IGF1: variants seen among roughly 807,000 people sequenced by gnomAD.
The protein encoded by IGF1 is insulin-like growth factor 1.
Under a neutral mutation model 13.8 loss-of-function variants are expected in IGF1, and 4 were observed. The ratio of observed to expected loss-of-function variants is 0.29; its 90% CI spans 0.14 to 0.66. IGF1 has a LOEUF of 0.66. IGF1 is among the 30% of genes least tolerant of loss of function. IGF1 has a pLI of 0.78. For synonymous variants in IGF1, 76 were observed against 72.6 expected (o/e 1.05, Z -0.23); for missense variants, 124 against 188.5 (o/e 0.66, Z 2.00).
At chr12:102,445,612 C>T (rs1878243300) in intron 2 of IGF1, among the ~76,000 whole-genome samples, 1 of 152,202 alleles carries the variant, frequency 6.6e-6, no homozygotes, top group Non-Finnish European at 1.5e-5. Flanking sequence ...GCTGAAGTTG[C>T]TTATCAGCTT....
At chr12:102,461,545 A>G (rs1856194652) in intron 2 of IGF1, among the ~76,000 whole-genome samples, 1 of 152,212 alleles carries the variant, frequency 6.6e-6, no homozygotes, top group Admixed American at 6.5e-5. Flanking sequence ...TCGTCCACTT[A>G]ATGCAATTAG....
rs1284097355 is a variant in IGF1, at chr12:102,402,466, C to G, written c.*41G>C. ...GGTAACTCGTGCAGAGCAAAGGATC[C>G]TGCGGTGGCATGTCACTCTTCACTC... On this transcript the variant is annotated 3_prime_UTR_variant, in exon 4 of 4. Transcript: ENST00000337514. The G allele has an allele frequency of 2.6e-6, 2 of 780,666 alleles. No homozygotes were observed. The highest frequency in any genetic ancestry group is 4.8e-6 in the Non-Finnish European group (2 of 417,864). 48.4% of individuals were successfully genotyped at this position (780,666 alleles called of 1,614,324 possible).
At chr12:102,449,065 T>C (rs1433060972) in intron 2 of IGF1, among the ~76,000 whole-genome samples, 1 of 152,192 alleles carries the variant, frequency 6.6e-6, no homozygotes, top group East Asian at 1.9e-4. Flanking sequence ...CCCAAAGGAT[T>C]ATAAATTATT....
chr12:102,416,973 G>C (rs1875196354), intron 3 of IGF1, among the ~76,000 whole-genome samples: 1 of 152,212 alleles, frequency 6.6e-6, no homozygotes, highest in Admixed American at 6.5e-5. Context: ...TATGTATGGA[G>C]GGAAGATGAA....
At chr12:102,457,623 C>T (rs12299353) in intron 2 of IGF1, among the ~76,000 whole-genome samples, 2,948 of 152,028 alleles carry the variant, frequency 0.019, 84 homozygotes, top group African/African-American at 0.068. Context: ...CTTTAGTGGA[C>T]GATTTCACAA....
chr12:102,408,910 C>G (rs2136958760), intron 3 of IGF1, among the ~76,000 whole-genome samples: 1 of 152,322 alleles, frequency 6.6e-6, no homozygotes, highest in Admixed American at 6.5e-5. Context: ...CTATCCTCCC[C>G]TATTTCTGTT....
Position 102,475,646 on chromosome 12 carries a change from A to T in IGF1, c.217T>A (p.Phe73Ile), listed in dbSNP as rs1477646417. ...QFVCGDRGFY[F>I]NKPTGYGSSS... ...ATTGAGAGGGAGGGCTACTTACTGA[A>T]ATAAAAGCCCCTGTCTCCACACACG... The change falls in exon 2 of 4, where the codon TTC becomes ATC. Residue 73 changes from phenylalanine to isoleucine, a missense_variant. Physicochemically the swap from Phe to Ile is conservative, Grantham distance 21. This residue lies in a region of IGF1 where 99 missense variants were observed against 171.4 expected (regional missense o/e 0.58). Transcript: ENST00000337514. 6.2e-7 allele frequency: 1 copy of T among 1,614,028 alleles called. No individual in the cohort carries two copies. The highest frequency in any genetic ancestry group is 2.2e-5 in the East Asian group (1 of 44,888).
chr12:102,468,224 A>T (rs1007280009), intron 2 of IGF1, among the ~76,000 whole-genome samples: 1 of 152,222 alleles, frequency 6.6e-6, no homozygotes, highest in African/African-American at 2.4e-5. Flanking sequence ...AATTTAAAAG[A>T]GGCTGTTTGG....
At position 102,428,336 on chromosome 12, in the gene IGF1, G is replaced by T. The variant is rs181434597; in HGVS notation, c.221-8646C>A. ...AAAACCAAGAGTTTTCTCTTTTTTA[G>T]ATTTAATTTTGGATGTAAACAAGAT... is the stretch of plus-strand genomic sequence containing the variant. On this transcript the variant is annotated intron_variant, in intron 2 of 3. Coordinates refer to ENST00000337514, the MANE Select transcript of IGF1 (RefSeq NM_000618.5). Among the ~76,000 whole-genome samples the T allele has an allele frequency of 3.7e-3, 544 of 147,458 alleles. 4 individuals are homozygous for T. Among genetic ancestry groups the T allele is most frequent in the Non-Finnish European group, 4.0e-3 (269 of 66,588 alleles).
Position 102,402,344 on chromosome 12 carries a change from A to G in IGF1, c.*163T>C, listed in dbSNP as rs1735849884. On this transcript the variant is annotated 3_prime_UTR_variant, in exon 4 of 4. Coordinates refer to ENST00000337514, the MANE Select transcript of IGF1 (RefSeq NM_000618.5). ...CAAGGTGCAAATCACTCCTAAAGAC[A>G]ATGTTGGAATGTTTACTTGTGTATT... 2.8e-6 allele frequency: 2 copies of G among 718,442 alleles called. No individual in the cohort carries two copies. Among genetic ancestry groups the G allele is most frequent in the South Asian group, 3.1e-5 (2 of 65,192 alleles). 44.5% of individuals were successfully genotyped at this position (718,442 alleles called of 1,614,324 possible).
In IGF1 at chr12:102,402,245, T is replaced by TA. The variant is rs1555236089; in HGVS notation, c.*261_*262insT. On this transcript the variant is annotated 3_prime_UTR_variant, in exon 4 of 4. Transcript: ENST00000337514. Reference sequence around the variant, plus strand: ...GGACTAAGATATATATATATATATATTTTTTTTTTCTTTTCTATAGAACAT... The same window carrying TA: ...GGACTAAGATATATATATATATATATATTTTTTTTTCTTTTCTATAGAACAT... 6.2e-3 allele frequency: 1,336 copies of TA among 215,234 alleles called. 9 individuals carry two copies. Among genetic ancestry groups the TA allele is most frequent in the African/African-American group, 0.015 (537 of 35,298 alleles). The allele number at this position is 215,234 out of a possible 1,614,324, so 13.3% of individuals were successfully genotyped here. A position where few individuals can be genotyped will look rare whatever the true frequency, so the allele number is the denominator to read the frequency against.
chr12:102,455,691 G>A (rs1879328369), intron 2 of IGF1, among the ~76,000 whole-genome samples: 1 of 152,192 alleles, frequency 6.6e-6, no homozygotes, highest in South Asian at 2.1e-4. Flanking sequence ...GGCAGACTCA[G>A]GCAAAATTCC....
intron 2 of IGF1, among the ~76,000 whole-genome samples, chr12:102,434,846 G>C (rs985228622): frequency 2.6e-5 from 4 of 151,840 alleles, no homozygotes; most frequent in African/African-American, 9.7e-5. Context: ...ATTCTAACTG[G>C]TGTGAGATGG....
At chr12:102,432,448 A>T (rs1052794308) in intron 2 of IGF1, among the ~76,000 whole-genome samples, 1 of 152,212 alleles carries the variant, frequency 6.6e-6, no homozygotes, top group Non-Finnish European at 1.5e-5. Flanking sequence ...GTATTATCAG[A>T]CAATCCTATT....
At chr12:102,449,093 G>A (rs939938264) in intron 2 of IGF1, among the ~76,000 whole-genome samples, 1 of 152,120 alleles carries the variant, frequency 6.6e-6, no homozygotes, top group African/African-American at 2.4e-5. Flanking sequence ...AAAGACACAT[G>A]CACATATATG....
intron 1 of IGF1, among the ~76,000 whole-genome samples, chr12:102,478,033 A>G (rs1482070788): frequency 6.7e-6 from 1 of 150,342 alleles, no homozygotes; most frequent in Non-Finnish European, 1.5e-5. Context: ...ATTGTCAGAT[A>G]AATCTCAGTA....
At chr12:102,466,086 T>C (rs1348099405) in intron 2 of IGF1, among the ~76,000 whole-genome samples, 1 of 152,174 alleles carries the variant, frequency 6.6e-6, no homozygotes, top group Admixed American at 6.5e-5. Flanking sequence ...TTCCTTCTCT[T>C]ACTAAAATAC....
intron 1 of IGF1, among the ~76,000 whole-genome samples, chr12:102,476,107 A>C (rs1011477717): frequency 2.0e-5 from 3 of 152,186 alleles, no homozygotes; most frequent in African/African-American, 7.2e-5. Flanking sequence ...TTACTACGGA[A>C]ATGAAAGATG....
At chr12:102,439,958 C>G (rs1182529265) in intron 2 of IGF1, among the ~76,000 whole-genome samples, 1 of 152,146 alleles carries the variant, frequency 6.6e-6, no homozygotes. Flanking sequence ...AACTTGCTGA[C>G]CCCAGGCGCT....
Sources: gnomAD v4.1 joint callset for allele counts (sites outside exome capture counted in the v4.1 genomes callset) on GRCh38, gnomAD v4.1.1 for gene constraint, gnomAD v4.1.1 regional missense constraint, MANE v1.5 for transcripts, NCBI Gene and HGNC (gene_info 2026-07-23, HGNC 2026-07-21) for gene names.